Variants in SETBP1 observed in about 807,000 individuals in gnomAD.
SETBP1 encodes SET-binding protein.
In SETBP1, 9 loss-of-function variants were observed where a neutral mutation model predicts 101.0. The ratio of observed to expected loss-of-function variants is 0.09; its 90% confidence interval spans 0.05 to 0.16. The LOEUF (loss-of-function observed/expected upper bound fraction) is 0.16, where lower values mean the gene tolerates loss of function less well. Among genes scored for constraint, SETBP1 ranks in the 10% least tolerant of loss-of-function variants. The pLI is 1.00. For synonymous variants in SETBP1, 818 were observed against 788.5 expected (o/e 1.04, Z -0.63); for missense variants, 1,858 against 2,033.8 (o/e 0.91, Z 1.66).
intron 2 of SETBP1, among the ~76,000 whole-genome samples, chr18:44,866,658 G>T (rs1908521659): frequency 6.6e-6 from 1 of 152,164 alleles, no homozygotes; most frequent in Non-Finnish European, 1.5e-5. Flanking sequence ...TTTGAGCACT[G>T]GTTCCAATAT....
At chr18:44,701,124 T>C (rs1036435725) in intron 1 of SETBP1, 51 bp from the exon 2 acceptor site, 11 of 440,386 alleles carry the variant, frequency 2.5e-5, no homozygotes, top group Admixed American at 1.5e-4. Flanking sequence ...TTGAGTAACC[T>C]TGGGGGTCAT....
intron 3 of SETBP1, among the ~76,000 whole-genome samples, chr18:44,874,208 C>T (rs1040634351): frequency 6.6e-6 from 1 of 152,114 alleles, no homozygotes; most frequent in Non-Finnish European, 1.5e-5. Context: ...AATCACAATG[C>T]CATTATCACA....
rs750208479 is a variant in SETBP1 at position 44,979,200 on chromosome 18, G to A, written c.4000+25860G>A. Among the ~76,000 whole-genome samples, 10 of 152,178 alleles carry A rather than the reference G, an allele frequency of 6.6e-5. No individual in the cohort carries two copies. The East Asian group carries it at 1.3e-3, about 20-fold the overall frequency. The stretch of plus-strand genomic sequence containing the variant: ...TTGGCCATTAGGGGCCCAACCCACC[G>A]AATCTGCATTTGCTTCCCTTTGCAA... On this transcript the variant is annotated intron_variant, in intron 4 of 5. Transcript: ENST00000649279.
At chr18:44,855,813 A>G (rs1049290470) in intron 2 of SETBP1, among the ~76,000 whole-genome samples, 13 of 152,198 alleles carry the variant, frequency 8.5e-5, no homozygotes, top group African/African-American at 3.1e-4. Context: ...GAAGGCTTTT[A>G]TAAGCTAGAT....
chr18:44,803,507 C>G (rs532958398), intron 2 of SETBP1, among the ~76,000 whole-genome samples: 1 of 152,094 alleles, frequency 6.6e-6, no homozygotes, highest in Non-Finnish European at 1.5e-5. Flanking sequence ...GAAGCTGCTT[C>G]GAGACTCCTG....
At chr18:45,016,812 C>T (rs1185686680) in intron 4 of SETBP1, among the ~76,000 whole-genome samples, 1 of 150,722 alleles carries the variant, frequency 6.6e-6, no homozygotes. Context: ...CACCTCCCCA[C>T]CTCCTATTCC....
chr18:44,831,623 T>G (rs1416250991), intron 2 of SETBP1, among the ~76,000 whole-genome samples: 1 of 152,146 alleles, frequency 6.6e-6, no homozygotes, highest in Admixed American at 6.5e-5. Flanking sequence ...CATTTATAAT[T>G]AAAAAATAAT....
rs80128743 is a variant in SETBP1, at chr18:44,925,017, T to G, written c.541-24864T>G. ...CTTGATCCTGTGTGAGTTTTTTTTTTTTTTTTTTTTTTTTTTTTCACGAGA... is the reference window on the plus strand; with the variant it reads ...CTTGATCCTGTGTGAGTTTTTTTTTGTTTTTTTTTTTTTTTTTTCACGAGA... On this transcript the variant is annotated intron_variant, in intron 3 of 5. Coordinates refer to ENST00000649279, the MANE Select transcript of SETBP1 (RefSeq NM_015559.3). 1.3e-3 allele frequency among the ~76,000 whole-genome samples: 154 copies of G among 116,894 alleles called. 1 individual carries two copies. Among genetic ancestry groups the G allele is most frequent in the East Asian group, 4.3e-3 (12 of 2,778 alleles). The allele number at this position is 116,894 out of a possible 152,430, so 76.7% of individuals were successfully genotyped here. A position where few individuals can be genotyped will look rare whatever the true frequency, so the allele number is the denominator to read the frequency against.
intron 4 of SETBP1, among the ~76,000 whole-genome samples, chr18:45,036,023 A>G (rs1458668010): frequency 1.3e-5 from 2 of 152,184 alleles, no homozygotes; most frequent in African/African-American, 4.8e-5. Flanking sequence ...GGGTTTTTTA[A>G]ATATTAACAA....
At chr18:44,941,663 C>A (rs2071090848) in intron 3 of SETBP1, among the ~76,000 whole-genome samples, 1 of 151,756 alleles carries the variant, frequency 6.6e-6, no homozygotes. Context: ...ATTATTTTCC[C>A]TTCTGTATTT....
At chr18:44,783,519 T>A (rs2071177749) in intron 2 of SETBP1, among the ~76,000 whole-genome samples, 1 of 152,206 alleles carries the variant, frequency 6.6e-6, no homozygotes. Context: ...ACCCCAAGCC[T>A]TATCCAAGGT....
chr18:44,762,070 GCC>G (rs1389411490), intron 2 of SETBP1, among the ~76,000 whole-genome samples: 3 of 152,068 alleles, frequency 2.0e-5, no homozygotes, highest in African/African-American at 7.2e-5. Flanking sequence ...GGGCCAGCTG[GCC>G]AGACTGGTCT....
In SETBP1 at chr18:44,792,842, G is replaced by A. The variant is rs190344428; in HGVS notation, c.487-76388G>A. ...TTCTCCCCTTAGGGCTCTATTCCTG[G>A]TATAGCATAATCTAGGAGAAAAAAA... On this transcript the variant is annotated intron_variant, in intron 2 of 5. Coordinates refer to ENST00000649279, the MANE Select transcript of SETBP1 (RefSeq NM_015559.3). Among the ~76,000 whole-genome samples, 185 of 151,922 alleles carry A rather than the reference G, an allele frequency of 1.2e-3. 1 individual carries two copies. The highest frequency in any genetic ancestry group is 2.1e-4 in the South Asian group (1 of 4,808).
At chr18:44,907,483 G>A (rs1012429362) in intron 3 of SETBP1, among the ~76,000 whole-genome samples, 3 of 152,080 alleles carry the variant, frequency 2.0e-5, no homozygotes, top group Non-Finnish European at 2.9e-5. Flanking sequence ...TAATATATGA[G>A]GATTCAAATT....
intron 3 of SETBP1, among the ~76,000 whole-genome samples, chr18:44,928,081 T>TCACCC (rs927234404): frequency 3.3e-5 from 5 of 152,144 alleles, no homozygotes; most frequent in Non-Finnish European, 5.9e-5. Context: ...CCCTCACGCC[T>TCACCC]CACCCCACCC....
chr18:44,684,724 G>A lies in SETBP1; in HGVS notation c.-173+3703G>A, dbSNP rs1324229388. Among the ~76,000 whole-genome samples, 33 of 151,910 alleles carry A rather than the reference G, an allele frequency of 2.2e-4. 1 individual carries two copies. The highest frequency in any genetic ancestry group is 1.6e-4 in the Non-Finnish European group (11 of 67,970). On this transcript the variant is annotated intron_variant, in intron 1 of 5. Transcript: ENST00000649279. ...TGCAGTGGCGTGATCTTGGCTCACT[G>A]CAACCTCTGCCTCCTGGGTTCAAGT... is the stretch of plus-strand genomic sequence containing the variant.
At chr18:44,825,633 C>T (rs186074725) in intron 2 of SETBP1, among the ~76,000 whole-genome samples, 434 of 152,316 alleles carry the variant, frequency 2.8e-3, no homozygotes, top group Admixed American at 7.9e-3. Flanking sequence ...TTGGGACAAT[C>T]TTCACCTGAC....
chr18:45,049,130 A>G (rs1319872933), intron 5 of SETBP1, among the ~76,000 whole-genome samples: 1 of 152,226 alleles, frequency 6.6e-6, no homozygotes, highest in African/African-American at 2.4e-5. Flanking sequence ...AGATACTAAC[A>G]AAACTATTAT....
intron 3 of SETBP1, among the ~76,000 whole-genome samples, chr18:44,918,303 CCT>C (rs1304111916): frequency 1.3e-5 from 2 of 152,222 alleles, no homozygotes; most frequent in Admixed American, 1.3e-4. Flanking sequence ...GGAGCCACCA[CCT>C]CATCCTGAGG....
Sources: allele counts gnomAD v4.1 joint callset (sites outside exome capture counted in the v4.1 genomes callset), GRCh38; gene constraint gnomAD v4.1.1; transcripts MANE v1.5; gene names NCBI Gene and HGNC (gene_info 2026-07-23, HGNC 2026-07-21).